Variants in TXLNG observed in about 807,000 individuals in gnomAD.
TXLNG encodes taxilin gamma, also known as gamma-taxilin.
Under a neutral mutation model 38.8 loss-of-function variants are expected in TXLNG, and 5 were observed. The observed-to-expected ratio is 0.13, with a 90% CI of 0.07 to 0.27. TXLNG has a LOEUF of 0.27. TXLNG is among the 10% of genes least tolerant of loss of function. The pLI, the probability that TXLNG is intolerant of heterozygous loss-of-function variation, is 1.00. For synonymous variants in TXLNG, 182 were observed against 158.2 expected (o/e 1.15, Z -1.13); for missense variants, 393 against 398.2 (o/e 0.99, Z 0.11).
At chrX:16,800,129 G>A (rs1928036423) in intron 1 of TXLNG, among the ~76,000 whole-genome samples, 1 of 111,122 alleles carries the variant, frequency 9.0e-6, no homozygotes, top group Non-Finnish European at 1.9e-5. Context: ...TAGTAGAGAC[G>A]GAATTTTGTC....
intron 1 of TXLNG, among the ~76,000 whole-genome samples, chrX:16,789,803 A>T (rs949006891): frequency 1.9e-5 from 2 of 107,080 alleles, no homozygotes; most frequent in African/African-American, 6.8e-5. Context: ...TATTATTATT[A>T]TTATTTTTGA....
chrX:16,841,837 GT>G lies in TXLNG; in HGVS notation c.*75del. 1 of 1,069,802 alleles carries G rather than the reference GT, an allele frequency of 9.3e-7. No individual in the cohort carries two copies. Among genetic ancestry groups the G allele is most frequent in the East Asian group, 3.0e-5 (1 of 32,969 alleles). 88.2% of individuals were successfully genotyped at this position (1,069,802 alleles called of 1,213,427 possible). On this transcript the variant is annotated 3_prime_UTR_variant, in exon 10 of 10. Coordinates refer to ENST00000380122, the MANE Select transcript of TXLNG (RefSeq NM_018360.3). ...TTTCTCTGTTAGTAGTTAACTATTG[GT>G]TTTGTGGTGAAAATTTTCTTACTTT...
chrX:16,812,812 C>T (rs913524818), intron 1 of TXLNG, among the ~76,000 whole-genome samples: 1 of 103,033 alleles, frequency 9.7e-6, no homozygotes, highest in Non-Finnish European at 1.9e-5. Flanking sequence ...AGTGATTCTC[C>T]TGCCTCAGCC....
chrX:16,840,462 G>A (rs1318590369), intron 9 of TXLNG: 1 of 753,073 alleles, frequency 1.3e-6, no homozygotes, highest in East Asian at 1.5e-4. Context: ...AGAAAACGCT[G>A]GGGCACATGT....
rs965482813 is a variant in TXLNG, at chrX:16,840,542, C to T, written c.1248+626C>T. Reference sequence around the variant, plus strand: ...TAATCCCAGCACTTTGGGAGGCCGACGCAGGCGGATCATGAGGTCAAGAGA... The same window carrying T: ...TAATCCCAGCACTTTGGGAGGCCGATGCAGGCGGATCATGAGGTCAAGAGA... On this transcript the variant is annotated intron_variant, in intron 9 of 9. Transcript: ENST00000380122. 2.7e-5 allele frequency: 15 copies of T among 565,163 alleles called. No homozygotes were observed. In the South Asian group the frequency reaches 2.8e-4, roughly 11 times the overall value. 46.6% of individuals were successfully genotyped at this position (565,163 alleles called of 1,213,427 possible).
At position 16,842,039 on chromosome X, in the gene TXLNG, T is replaced by G; in HGVS notation, c.*273T>G. 1 of 289,464 alleles carries G rather than the reference T, an allele frequency of 3.5e-6. No homozygotes were observed. Among genetic ancestry groups the G allele is most frequent in the Non-Finnish European group, 6.0e-6 (1 of 165,492 alleles). The allele number at this position is 289,464 out of a possible 1,213,427, so 23.9% of individuals were successfully genotyped here. A position where few individuals can be genotyped will look rare whatever the true frequency, so the allele number is the denominator to read the frequency against. On this transcript the variant is annotated 3_prime_UTR_variant, in exon 10 of 10. Coordinates refer to ENST00000380122, the MANE Select transcript of TXLNG (RefSeq NM_018360.3). ...CCTTGTCCTTTCTCTCCCTGCTCCT[T>G]GCACATTATCATCCTAATGAAAATT...
At chrX:16,793,357 G>A (rs911319923) in intron 1 of TXLNG, among the ~76,000 whole-genome samples, 9 of 111,401 alleles carry the variant, frequency 8.1e-5, no homozygotes, top group African/African-American at 2.9e-4. Context: ...CAAAATAATT[G>A]TATTAGCATT....
intron 8 of TXLNG, among the ~76,000 whole-genome samples, chrX:16,838,718 A>AG (rs1425482256): frequency 1.8e-5 from 2 of 111,711 alleles, no homozygotes; most frequent in African/African-American, 6.5e-5. Flanking sequence ...GCTGCAATTG[A>AG]GGGGGCGCTG....
intron 2 of TXLNG, 26 bp downstream of exon 2, chrX:16,818,903 G>A (rs1183809556): frequency 1.7e-6 from 2 of 1,161,067 alleles, no homozygotes; most frequent in African/African-American, 1.8e-5. Flanking sequence ...GTGGTTGGAC[G>A]TTTCACATGC....
At chrX:16,817,119 C>A (rs1451248439) in intron 1 of TXLNG, among the ~76,000 whole-genome samples, 1 of 112,199 alleles carries the variant, frequency 8.9e-6, no homozygotes, top group Non-Finnish European at 1.9e-5. Flanking sequence ...TGGTTGCATC[C>A]AACAGTAGTT....
intron 5 of TXLNG, 34 bp from the exon 6 acceptor site, chrX:16,832,589 G>T (rs962137042): frequency 5.0e-6 from 6 of 1,209,908 alleles, no homozygotes; most frequent in Non-Finnish European, 6.7e-6. Context: ...CCTTTCTTTG[G>T]TGAGTGATGG....
chrX:16,835,548 G>T (rs868772653), intron 7 of TXLNG, among the ~76,000 whole-genome samples: 3 of 111,766 alleles, frequency 2.7e-5, no homozygotes, highest in Non-Finnish European at 3.8e-5. Flanking sequence ...GATGGCTTTG[G>T]AAGATGTTCC....
chrX:16,833,545 C>T (rs1038001575), intron 6 of TXLNG, among the ~76,000 whole-genome samples: 4 of 111,547 alleles, frequency 3.6e-5, no homozygotes, highest in African/African-American at 1.3e-4. Context: ...CAGTGTCATC[C>T]TTCCATATGA....
rs754516900 is a variant in TXLNG, at chrX:16,826,089, A to G, written c.499-2005A>G. Reference sequence around the variant, plus strand: ...GTGCACACAGATGAAATGAAATTATATAGAAAGGAAAGCGAAGGAATAATG... The same window carrying G: ...GTGCACACAGATGAAATGAAATTATGTAGAAAGGAAAGCGAAGGAATAATG... On this transcript the variant is annotated intron_variant, in intron 3 of 9. Transcript: ENST00000380122. 1.6e-4 allele frequency among the ~76,000 whole-genome samples: 18 copies of G among 111,929 alleles called. No homozygotes were observed. In the South Asian group the frequency reaches 4.8e-3, roughly 30 times the overall value.
At chrX:16,808,193 G>A (rs986366438) in intron 1 of TXLNG, among the ~76,000 whole-genome samples, 2 of 111,055 alleles carry the variant, frequency 1.8e-5, no homozygotes, top group East Asian at 2.8e-4. Context: ...GGGATTATTC[G>A]TGTTTAAGGC....
chrX:16,793,743 A>G (rs1288118887), intron 1 of TXLNG, among the ~76,000 whole-genome samples: 1 of 108,905 alleles, frequency 9.2e-6, no homozygotes, highest in African/African-American at 3.4e-5. Flanking sequence ...TCCTGGTCTC[A>G]AGTGATCTTC....
chrX:16,838,997 T>C (rs1341116007), intron 8 of TXLNG, among the ~76,000 whole-genome samples: 1 of 112,083 alleles, frequency 8.9e-6, no homozygotes, highest in Admixed American at 9.4e-5. Flanking sequence ...TGTCTTATCC[T>C]TGTTTCCCTT....
rs1043204456 is a variant in TXLNG, at chrX:16,829,661, A to C, written c.755A>C (p.Gln252Pro). 5.0e-6 allele frequency: 6 copies of C among 1,210,467 alleles called. No individual in the cohort carries two copies. The highest frequency in any genetic ancestry group is 6.7e-6 in the Non-Finnish European group (6 of 895,398). Residue 252 changes from glutamine to proline, a missense_variant, in exon 5 of 10, where the codon CAA becomes CCA. Transcript: ENST00000380122. ...AHFQITLNEI[Q>P]AQLEQHDIHN... Reference sequence around the variant, plus strand: ...TTCCAGATTACCTTAAATGAAATTCAAGCCCAGCTGGAGCAGCATGACATC... The same window carrying C: ...TTCCAGATTACCTTAAATGAAATTCCAGCCCAGCTGGAGCAGCATGACATC...
intron 1 of TXLNG, among the ~76,000 whole-genome samples, chrX:16,804,407 C>T (rs755947997): frequency 9.0e-6 from 1 of 111,166 alleles, no homozygotes; most frequent in East Asian, 2.8e-4. Context: ...AAACTCAAAG[C>T]GGTAGAATTG....
Sources: allele counts gnomAD v4.1 joint callset (sites outside exome capture counted in the v4.1 genomes callset), GRCh38; gene constraint gnomAD v4.1.1; transcripts MANE v1.5; gene names NCBI Gene and HGNC (gene_info 2026-07-23, HGNC 2026-07-21).